KCNK13: variants seen among roughly 807,000 people sequenced by gnomAD.
The protein encoded by KCNK13 is potassium two pore domain channel subfamily K member 13.
KCNK13 carries 12 observed loss-of-function variants against 23.4 expected under a neutral mutation model. That is an observed-to-expected ratio of 0.51 (90% CI 0.33 to 0.83). KCNK13 has a LOEUF of 0.83. Among genes scored for constraint, KCNK13 ranks in the 40% least tolerant of loss-of-function variants. KCNK13 has a pLI of 0.02. For synonymous variants in KCNK13, 231 were observed against 229.5 expected, an observed-to-expected ratio of 1.01 and a Z score of -0.06; for missense variants, 463 against 556.3, an observed-to-expected ratio of 0.83 and a Z score of 1.69.
At chr14:90,099,366 C>G in intron 1 of KCNK13, among the ~76,000 whole-genome samples, 1 of 152,090 alleles carries the variant, frequency 6.6e-6, no homozygotes. Flanking sequence ...TCAAGATACC[C>G]CTTGGTGGCT....
chr14:90,125,064 T>G (rs17126575), intron 1 of KCNK13, among the ~76,000 whole-genome samples: 8,843 of 152,146 alleles, frequency 0.058, 846 homozygotes, highest in African/African-American at 0.2. Context: ...AATTTTTTAC[T>G]GTAGATGGAA....
intron 1 of KCNK13, among the ~76,000 whole-genome samples, chr14:90,119,919 T>TA (rs1566954998): frequency 6.6e-6 from 1 of 152,096 alleles, no homozygotes; most frequent in Non-Finnish European, 1.5e-5. Flanking sequence ...TTTTTTAACT[T>TA]AAAAAAAATT....
chr14:90,096,068 C>T (rs1436079300), intron 1 of KCNK13, among the ~76,000 whole-genome samples: 1 of 152,092 alleles, frequency 6.6e-6, no homozygotes, highest in Admixed American at 6.6e-5. Context: ...GCTTCCAGAC[C>T]CTCTCCAGGG....
At chr14:90,124,824 G>T (rs1346919079) in intron 1 of KCNK13, among the ~76,000 whole-genome samples, 1 of 152,206 alleles carries the variant, frequency 6.6e-6, no homozygotes, top group African/African-American at 2.4e-5. Flanking sequence ...AATAGAAAAT[G>T]AATACAGCTA....
At chr14:90,064,557 A>T (rs960969088) in intron 1 of KCNK13, among the ~76,000 whole-genome samples, 1 of 152,068 alleles carries the variant, frequency 6.6e-6, no homozygotes, top group South Asian at 2.1e-4. Context: ...AAGCCTCTTA[A>T]CTATTCCGAG....
Position 90,152,073 on chromosome 14 carries a change from A to G in KCNK13, c.335-32038A>G, listed in dbSNP as rs576079199. 7.2e-5 allele frequency among the ~76,000 whole-genome samples: 11 copies of G among 152,292 alleles called. No homozygotes were observed. The East Asian group carries it at 1.7e-3, about 24-fold the overall frequency. ...CACCCAAATTTCATGTTGAATTGTA[A>G]CACCCATAATCCTCACATGTTGTGG... On this transcript the variant is annotated intron_variant, in intron 1 of 1. Coordinates refer to ENST00000282146, the MANE Select transcript of KCNK13 (RefSeq NM_022054.4).
At position 90,157,386 on chromosome 14, in the gene KCNK13, C is replaced by T. The variant is rs192282014; in HGVS notation, c.335-26725C>T. Among the ~76,000 whole-genome samples, 318 of 152,170 alleles carry T rather than the reference C, an allele frequency of 2.1e-3. 2 individuals are homozygous for T. The highest frequency in any genetic ancestry group is 1.7e-3 in the South Asian group (8 of 4,816). On this transcript the variant is annotated intron_variant, in intron 1 of 1. Coordinates refer to ENST00000282146, the MANE Select transcript of KCNK13 (RefSeq NM_022054.4). Reference sequence around the variant, plus strand: ...CGTTGTAACCACGAAAAAAAAGTGTCGGCATTTATTTAGTTTTTAATCTTT... The same window carrying T: ...CGTTGTAACCACGAAAAAAAAGTGTTGGCATTTATTTAGTTTTTAATCTTT...
intron 1 of KCNK13, among the ~76,000 whole-genome samples, chr14:90,115,967 G>A (rs983126911): frequency 6.6e-6 from 1 of 152,202 alleles, no homozygotes; most frequent in Non-Finnish European, 1.5e-5. Flanking sequence ...TGTTTAAACT[G>A]CTCCAGAAGG....
At chr14:90,094,404 A>G (rs1202646127) in intron 1 of KCNK13, among the ~76,000 whole-genome samples, 1 of 152,174 alleles carries the variant, frequency 6.6e-6, no homozygotes, top group Admixed American at 6.5e-5. Context: ...TCATAATGAA[A>G]CAGATTCTAT....
chr14:90,123,195 C>G (rs1423933811), intron 1 of KCNK13, among the ~76,000 whole-genome samples: 1 of 152,224 alleles, frequency 6.6e-6, no homozygotes, highest in South Asian at 2.1e-4. Flanking sequence ...AAATCTGTAT[C>G]AGTTGGCTAG....
chr14:90,146,051 A>C (rs565100920), intron 1 of KCNK13, among the ~76,000 whole-genome samples: 1 of 152,338 alleles, frequency 6.6e-6, no homozygotes, highest in Non-Finnish European at 1.5e-5. Context: ...ATAGTTGTTG[A>C]AATCTTAAGC....
chr14:90,074,542 T>TA (rs1216579218), intron 1 of KCNK13, among the ~76,000 whole-genome samples: 1 of 152,254 alleles, frequency 6.6e-6, no homozygotes, highest in African/African-American at 2.4e-5. Flanking sequence ...TGATTGCTTT[T>TA]AAAAAGGTTT....
chr14:90,164,488 AAAG>A (rs1416896325), intron 1 of KCNK13, among the ~76,000 whole-genome samples: 2 of 152,220 alleles, frequency 1.3e-5, no homozygotes, highest in Non-Finnish European at 2.9e-5. Flanking sequence ...AGAGACTAGA[AAAG>A]AAGGAGAGAA....
At chr14:90,102,389 A>C (rs1190194720) in intron 1 of KCNK13, among the ~76,000 whole-genome samples, 1 of 152,184 alleles carries the variant, frequency 6.6e-6, no homozygotes, top group African/African-American at 2.4e-5. Flanking sequence ...AATTGATGTA[A>C]AATTGAAGCT....
At chr14:90,179,345 G>A (rs1374653713) in intron 1 of KCNK13, among the ~76,000 whole-genome samples, 4 of 149,922 alleles carry the variant, frequency 2.7e-5, no homozygotes, top group Admixed American at 6.6e-5. Context: ...TACCTTAATT[G>A]AATTTTGAAA....
intron 1 of KCNK13, among the ~76,000 whole-genome samples, chr14:90,120,599 A>C (rs186960881): frequency 6.6e-6 from 1 of 152,272 alleles, no homozygotes; most frequent in East Asian, 1.9e-4. Flanking sequence ...GAACTCACTC[A>C]CTATCATGTG....
At chr14:90,130,612 A>T (rs1889857053) in intron 1 of KCNK13, among the ~76,000 whole-genome samples, 1 of 151,894 alleles carries the variant, frequency 6.6e-6, no homozygotes, top group Admixed American at 6.6e-5. Context: ...CAGGAGTTTC[A>T]GACAAGCCTG....
chr14:90,075,149 T>C (rs913536445), intron 1 of KCNK13, among the ~76,000 whole-genome samples: 32 of 152,238 alleles, frequency 2.1e-4, no homozygotes, highest in African/African-American at 7.7e-4. Context: ...TTCAATTCTA[T>C]ATTTTTATTA....
chr14:90,127,302 A>G (rs540757256), intron 1 of KCNK13, among the ~76,000 whole-genome samples: 2 of 152,186 alleles, frequency 1.3e-5, no homozygotes, highest in South Asian at 4.1e-4. Flanking sequence ...CTGGCACCCT[A>G]TATGTTTTGT....
Sources: gnomAD v4.1 joint callset for allele counts (sites outside exome capture counted in the v4.1 genomes callset) on GRCh38, gnomAD v4.1.1 for gene constraint, MANE v1.5 for transcripts, NCBI Gene and HGNC (gene_info 2026-07-23, HGNC 2026-07-21) for gene names.